The following LARP7 variants were observed in gnomAD, a reference collection of about 807,000 sequenced individuals.
LARP7 encodes La ribonucleoprotein 7, transcriptional regulator, also known as la-related protein 7.
LARP7 carries 52 observed loss-of-function variants against 69.3 expected under a neutral mutation model. The ratio of observed to expected loss-of-function variants is 0.75; its 90% CI spans 0.60 to 0.95. The LOEUF is 0.95. Ranked by LOEUF, LARP7 falls within the 40% of genes least tolerant of loss-of-function variation. The probability of loss-of-function intolerance (pLI) is 0.00; values close to 1 mark genes in which losing one functional copy is unlikely to be tolerated. For missense variants in LARP7, 733 were observed against 673.0 expected (o/e 1.09, Z -0.99); for synonymous variants, 254 against 215.9 (o/e 1.18, Z -1.55).
chr4:112,644,720 T>G lies in LARP7; in HGVS notation c.51T>G (p.Thr17=), dbSNP rs1560922958. 1.2e-6 allele frequency: 2 copies of G among 1,610,946 alleles called. No homozygotes were observed. Among genetic ancestry groups the G allele is most frequent in the Non-Finnish European group, 1.7e-6 (2 of 1,178,178 alleles). Residue 17 remains threonine, a synonymous_variant, in exon 2 of 13, where the codon ACT becomes ACG. Coordinates refer to ENST00000344442, the MANE Select transcript of LARP7 (RefSeq NM_016648.4). ...NQEKVMEEES[T]EKKKEVEKKK... ...AAAAGGTAATGGAAGAAGAAAGCAC[T>G]GAAAAGAAAAAAGAAGTTGAAAAAA... is the stretch of plus-strand genomic sequence containing the variant.
intron 1 of LARP7, among the ~76,000 whole-genome samples, chr4:112,639,575 ATTATG>A: frequency 6.6e-6 from 1 of 151,806 alleles, no homozygotes; most frequent in Non-Finnish European, 1.5e-5. Flanking sequence ...TAAACTGCAT[ATTATG>A]TTACGGGAAG....
At chr4:112,651,988 GTC>G (rs1560948163) in intron 10 of LARP7, among the ~76,000 whole-genome samples, 2 of 151,352 alleles carry the variant, frequency 1.3e-5, no homozygotes, top group African/African-American at 4.8e-5. Flanking sequence ...GCAAGTGTAA[GTC>G]TCTGCAGTTT....
intron 7 of LARP7, 65 bp downstream of exon 7, chr4:112,647,614 T>TGG: frequency 6.8e-7 from 1 of 1,469,832 alleles, no homozygotes; most frequent in South Asian, 1.5e-5. Flanking sequence ...TTTAATTAAT[T>TGG]AGGTTTTAAT....
chr4:112,651,357 C>G (rs1467632103), intron 10 of LARP7, among the ~76,000 whole-genome samples: 1 of 152,160 alleles, frequency 6.6e-6, no homozygotes, highest in Non-Finnish European at 1.5e-5. Flanking sequence ...TACTGTCCTA[C>G]AATCCTATAG....
At chr4:112,650,402 TATTAA>T in intron 9 of LARP7, 54 bp from the exon 10 acceptor site, 1 of 1,548,008 alleles carries the variant, frequency 6.5e-7, no homozygotes, top group Non-Finnish European at 8.9e-7. Context: ...TCCTCCTAAG[TATTAA>T]ATTGTTGTTA....
intron 8 of LARP7, chr4:112,648,623 G>T: frequency 2.3e-6 from 1 of 438,684 alleles, no homozygotes; most frequent in Non-Finnish European, 4.8e-6. Context: ...AAACAAAATG[G>T]CATAACTTTA....
chr4:112,650,819 T>C (rs757623169), intron 10 of LARP7, among the ~76,000 whole-genome samples: 1 of 152,200 alleles, frequency 6.6e-6, no homozygotes, highest in South Asian at 2.1e-4. Context: ...TCCTTCTCTA[T>C]AGGAAAATTG....
chr4:112,642,741 T>C (rs1002078203), intron 1 of LARP7, among the ~76,000 whole-genome samples: 2 of 152,232 alleles, frequency 1.3e-5, no homozygotes, highest in East Asian at 1.9e-4. Context: ...ACAACAGGCA[T>C]GTATGCCTTC....
intron 1 of LARP7, among the ~76,000 whole-genome samples, chr4:112,639,015 T>C (rs2149246517): frequency 6.6e-6 from 1 of 152,262 alleles, no homozygotes; most frequent in Admixed American, 6.5e-5. Flanking sequence ...GTAGACAATG[T>C]GGGATCAAAC....
Position 112,647,563 on chromosome 4 carries a change from G to T in LARP7, c.997+14G>T, listed in dbSNP as rs200443782. The T allele has an allele frequency of 2.7e-6, 4 of 1,508,904 alleles. No homozygotes were observed. Among genetic ancestry groups the T allele is most frequent in the African/African-American group, 1.4e-5 (1 of 71,320 alleles). 93.5% of individuals were successfully genotyped at this position (1,508,904 alleles called of 1,614,324 possible). A position where few individuals can be genotyped will look rare whatever the true frequency, so the allele number is the denominator to read the frequency against. ...AGGAAAATAGAGGTAAAACTACAAG[G>T]TTTTAATTAGATAAAACTAATTAAT... On this transcript the variant is annotated intron_variant, in intron 7 of 12. Transcript: ENST00000344442.
At chr4:112,651,073 T>G (rs919825412) in intron 10 of LARP7, among the ~76,000 whole-genome samples, 8 of 152,346 alleles carry the variant, frequency 5.3e-5, no homozygotes, top group African/African-American at 1.9e-4. Context: ...TTGGTAGCAA[T>G]ACTTTCTATT....
At chr4:112,651,555 CATT>C (rs1453572742) in intron 10 of LARP7, among the ~76,000 whole-genome samples, 1 of 152,108 alleles carries the variant, frequency 6.6e-6, no homozygotes, top group African/African-American at 2.4e-5. Context: ...CTAATCAACT[CATT>C]AAATAACTTC....
chr4:112,645,756 A>G (rs991094998), intron 2 of LARP7: 23 of 368,746 alleles, frequency 6.2e-5, no homozygotes, highest in African/African-American at 4.9e-4. Flanking sequence ...TCCTGAGCTC[A>G]AGAGATTTAC....
intron 12 of LARP7, among the ~76,000 whole-genome samples, chr4:112,656,543 A>G (rs1055081791): frequency 6.6e-6 from 1 of 152,252 alleles, no homozygotes; most frequent in East Asian, 1.9e-4. Flanking sequence ...AGTATGCCCT[A>G]TGATTTTGAA....
chr4:112,637,216 C>T lies in LARP7; in HGVS notation c.-26C>T, dbSNP rs957613117. On this transcript the variant is annotated 5_prime_UTR_variant, in exon 1 of 13. Transcript: ENST00000344442. ...ATGTCCGAAGGCCGCAGTACTTGAC[C>T]CTGTATTTTGGGAGTCGAACGGAGT... is the stretch of plus-strand genomic sequence containing the variant. 3.9e-5 allele frequency: 6 copies of T among 152,160 alleles called. No homozygotes were observed. Among genetic ancestry groups the T allele is most frequent in the African/African-American group, 1.4e-4 (6 of 41,432 alleles). The allele number at this position is 152,160 out of a possible 1,614,324, so 9.4% of individuals were successfully genotyped here.
intron 1 of LARP7, 76 bp from the exon 2 acceptor site, chr4:112,644,592 A>C: frequency 8.4e-7 from 1 of 1,191,800 alleles, no homozygotes; most frequent in South Asian, 1.6e-5. Flanking sequence ...AGACAGTTAA[A>C]GGCTAATCTA....
rs375697987 is a variant in LARP7, at chr4:112,647,502, A to C, written c.950A>C (p.Gln317Pro). ...CGATCAAAAGTAAAGAAAATTATTC[A>C]GAAAGACATCATTAAGGAAGCATCA... is the stretch of plus-strand genomic sequence containing the variant. ...APRSKVKKII[Q>P]KDIIKEASEA... is the part of the protein sequence containing the mutation. The change falls in exon 7 of 13, where the codon CAG (glutamine) becomes CCG (proline). Residue 317 changes from glutamine (Q) to proline (P), a missense_variant. Physicochemically the swap from Gln to Pro is moderately conservative, Grantham distance 76. Coordinates refer to ENST00000344442, the MANE Select transcript of LARP7 (RefSeq NM_016648.4). The C allele has an allele frequency of 1.9e-6, 3 of 1,613,410 alleles. No homozygotes were observed. The Admixed American group carries it at 5.0e-5, about 27-fold the overall frequency.
At chr4:112,655,018 A>AAAAAAAAG (rs2048899127) in intron 12 of LARP7, among the ~76,000 whole-genome samples, 1 of 151,674 alleles carries the variant, frequency 6.6e-6, no homozygotes, top group African/African-American at 2.4e-5. Flanking sequence ...AAAAAAAAAA[A>AAAAAAAAG]CTAACTTAAA....
intron 12 of LARP7, among the ~76,000 whole-genome samples, chr4:112,656,941 T>A (rs948492210): frequency 2.6e-5 from 4 of 152,194 alleles, no homozygotes; most frequent in African/African-American, 9.6e-5. Context: ...ATTTTAGACA[T>A]TTTAAACAGT....
Sources: gnomAD v4.1 joint callset for allele counts (sites outside exome capture counted in the v4.1 genomes callset) on GRCh38, gnomAD v4.1.1 for gene constraint, MANE v1.5 for transcripts, NCBI Gene and HGNC (gene_info 2026-07-23, HGNC 2026-07-21) for gene names.